The following NOS1 variants were observed in gnomAD, a reference collection of about 807,000 sequenced individuals.
NOS1 encodes the protein NOS type I.
NOS1 carries 51 observed loss-of-function variants against 164.5 expected under a neutral mutation model. That is an observed-to-expected ratio of 0.31 (90% CI 0.25 to 0.39). The LOEUF is 0.39. Among genes scored for constraint, NOS1 ranks in the 10% least tolerant of loss-of-function variants. The pLI, the probability that NOS1 is intolerant of heterozygous loss-of-function variation, is 1.00. For missense variants in NOS1, 1,362 were observed against 1,885.6 expected, an observed-to-expected ratio of 0.72 and a Z score of 5.14; for synonymous variants, 719 against 745.8, an observed-to-expected ratio of 0.96 and a Z score of 0.59.
intron 28 of NOS1, among the ~76,000 whole-genome samples, chr12:117,217,710 A>T (rs1956633546): frequency 6.6e-6 from 1 of 152,086 alleles, no homozygotes; most frequent in Admixed American, 6.6e-5. Context: ...GTCAAAAAAA[A>T]AAAAGCAACT....
rs1956550835 is a variant in NOS1 at position 117,212,939 on chromosome 12, T to G, written c.*2370A>C. 4.1e-6 allele frequency: 4 copies of G among 985,250 alleles called. No individual in the cohort carries two copies. The highest frequency in any genetic ancestry group is 5.2e-4 in the Middle Eastern group (1 of 1,936). The allele number at this position is 985,250 out of a possible 1,614,324, so 61.0% of individuals were successfully genotyped here. A position where few individuals can be genotyped will look rare whatever the true frequency, so the allele number is the denominator to read the frequency against. On this transcript the variant is annotated 3_prime_UTR_variant, in exon 29 of 29. Coordinates refer to ENST00000317775, the MANE Select transcript of NOS1 (RefSeq NM_000620.5). ...TCTAGCCTGGAGTTGTGAAGCAGCT[T>G]GTGTTGGGGATTGAAAGGTGTTTAC...
At chr12:117,286,939 G>A (rs1872745164) in intron 5 of NOS1, among the ~76,000 whole-genome samples, 1 of 152,206 alleles carries the variant, frequency 6.6e-6, no homozygotes, top group Admixed American at 6.5e-5. Flanking sequence ...TACAGGCCGG[G>A]TATGGTGGCT....
intron 2 of NOS1, among the ~76,000 whole-genome samples, chr12:117,314,484 C>G (rs1048766741): frequency 6.6e-6 from 1 of 152,152 alleles, no homozygotes; most frequent in Non-Finnish European, 1.5e-5. Flanking sequence ...ACATTAAAAG[C>G]CCCCATTTTA....
chr12:117,335,523 G>A (rs542982565), intron 1 of NOS1, among the ~76,000 whole-genome samples: 13 of 152,216 alleles, frequency 8.5e-5, no homozygotes, highest in Non-Finnish European at 1.8e-4. Flanking sequence ...CTGCCAATGA[G>A]AGGGAGGAAG....
intron 1 of NOS1, among the ~76,000 whole-genome samples, chr12:117,335,729 T>TGAGACAGAGAGAGAGAGA (rs1875776138): frequency 8.9e-6 from 1 of 112,540 alleles, no homozygotes; most frequent in African/African-American, 3.6e-5. Flanking sequence ...ACAGACTATA[T>TGAGACAGAGAGAGAGAGA]GAGAGAGAGA....
intron 22 of NOS1, among the ~76,000 whole-genome samples, 200 bp downstream of exon 22, chr12:117,231,762 T>A (rs765963582): frequency 4.0e-5 from 6 of 151,882 alleles, no homozygotes; most frequent in Non-Finnish European, 8.8e-5. Context: ...TTCAAGGGAG[T>A]CACTCTTGCT....
chr12:117,214,847 A>T lies in NOS1; in HGVS notation c.*462T>A. 1 of 979,622 alleles carries T rather than the reference A, an allele frequency of 1.0e-6. No homozygotes were observed. 60.7% of individuals were successfully genotyped at this position (979,622 alleles called of 1,614,324 possible). On this transcript the variant is annotated 3_prime_UTR_variant, in exon 29 of 29. Coordinates refer to ENST00000317775, the MANE Select transcript of NOS1 (RefSeq NM_000620.5). ...GACCTGGCCCATCACACACACACAC[A>T]CACACACACACACACACACAGGCAC...
At position 117,359,874 on chromosome 12, in the gene NOS1, TTTTA is replaced by T. The variant is rs1407800102; in HGVS notation, c.-421+1634_-421+1637del. ...CGGTCCCAGAGCATTACAATAATGGTTTTATATATATATATATATATATATATAT... is the reference window on the plus strand; with the variant it reads ...CGGTCCCAGAGCATTACAATAATGGTTATATATATATATATATATATATAT... On this transcript the variant is annotated intron_variant, in intron 1 of 28. Transcript: ENST00000317775. 1.7e-3 allele frequency among the ~76,000 whole-genome samples: 76 copies of T among 44,188 alleles called. 13 individuals carry two copies. The highest frequency in any genetic ancestry group is 5.6e-3 in the South Asian group (6 of 1,064). 29.0% of individuals were successfully genotyped at this position (44,188 alleles called of 152,430 possible). A position where few individuals can be genotyped will look rare whatever the true frequency, so the allele number is the denominator to read the frequency against.
chr12:117,258,055 G>A (rs1264148144), intron 16 of NOS1, among the ~76,000 whole-genome samples: 1 of 151,588 alleles, frequency 6.6e-6, no homozygotes, highest in African/African-American at 2.4e-5. Flanking sequence ...CATCTGCCTC[G>A]GCCTCCCAAA....
intron 1 of NOS1, among the ~76,000 whole-genome samples, chr12:117,333,151 C>T (rs1023789924): frequency 2.6e-5 from 4 of 152,128 alleles, no homozygotes; most frequent in African/African-American, 4.8e-5. Context: ...AGTAGCCGCC[C>T]GTCCCTACTT....
rs1875481484 is a variant in NOS1 at position 117,330,478 on chromosome 12, C to T, written c.592G>A (p.Gly198Ser). The T allele has an allele frequency of 6.2e-7, 1 of 1,614,106 alleles. No homozygotes were observed. The highest frequency in any genetic ancestry group is 8.5e-7 in the Non-Finnish European group (1 of 1,180,054). Residue 198 changes from glycine (G) to serine (S), a missense_variant, in exon 2 of 29, where the codon GGC becomes AGC. Gly to Ser is a moderately conservative substitution (Grantham distance 56). Around this residue, in one of 4 missense-constraint regions of NOS1, gnomAD observed 362 missense variants for 402.0 expected, o/e 0.90. Transcript: ENST00000317775. The surrounding 1 kb of genome is among the most constrained non-coding windows in gnomAD (Gnocchi z 4.6). ...AGCAGTTCATTGTTCTCCCCTCTGCCTTGGAGGCTGACTCTGGTTGCTTTC... is the reference window on the plus strand; with the variant it reads ...AGCAGTTCATTGTTCTCCCCTCTGCTTTGGAGGCTGACTCTGGTTGCTTTC... ...AKKATRVSLQGRGENNELLKE... is the reference protein window; with the variant it reads ...AKKATRVSLQSRGENNELLKE...
Position 117,211,757 on chromosome 12 carries a change from G to A in NOS1, c.*3552C>T, listed in dbSNP as rs535542034. 6.1e-6 allele frequency: 6 copies of A among 985,422 alleles called. No homozygotes were observed. The East Asian group carries it at 5.7e-4, about 93-fold the overall frequency. The allele number at this position is 985,422 out of a possible 1,614,324, so 61.0% of individuals were successfully genotyped here. A position where few individuals can be genotyped will look rare whatever the true frequency, so the allele number is the denominator to read the frequency against. ...AATTTATGTCAGTTCCAAGACGGGTGTCTCTCTCCATCAGATTATAACCTT... is the reference window on the plus strand; with the variant it reads ...AATTTATGTCAGTTCCAAGACGGGTATCTCTCTCCATCAGATTATAACCTT... On this transcript the variant is annotated 3_prime_UTR_variant, in exon 29 of 29. Coordinates refer to ENST00000317775, the MANE Select transcript of NOS1 (RefSeq NM_000620.5).
intron 1 of NOS1, among the ~76,000 whole-genome samples, chr12:117,353,645 C>A (rs369268473): frequency 2.0e-5 from 3 of 152,122 alleles, no homozygotes; most frequent in Non-Finnish European, 2.9e-5. Flanking sequence ...AGGGTTCTTG[C>A]GAAGGAAGGG....
intron 2 of NOS1, among the ~76,000 whole-genome samples, chr12:117,326,802 G>C (rs577498818): frequency 6.6e-6 from 1 of 152,326 alleles, no homozygotes; most frequent in African/African-American, 2.4e-5. Flanking sequence ...CTGAGATGGC[G>C]TTTGGAGAGG....
In NOS1 at chr12:117,356,131, C is replaced by T. The variant is rs758919307; in HGVS notation, c.-421+5381G>A. ...TGTTTCCTTTCCAGAGTTAAACACA[C>T]ACACTATCCCATTAAATCCTCCTAA... On this transcript the variant is annotated intron_variant, in intron 1 of 28. Transcript: ENST00000317775. This position sits in a 1 kb window ranked among gnomAD's most constrained non-coding sequence, Gnocchi z 4.2. Among the ~76,000 whole-genome samples, 10 of 152,220 alleles carry T rather than the reference C, an allele frequency of 6.6e-5. No homozygotes were observed. The highest frequency in any genetic ancestry group is 1.3e-4 in the Non-Finnish European group (9 of 68,042).
chr12:117,230,397 G>T (rs1359120549), intron 22 of NOS1, among the ~76,000 whole-genome samples: 2 of 152,180 alleles, frequency 1.3e-5, no homozygotes, highest in Non-Finnish European at 2.9e-5. Context: ...ATGGTCTCCT[G>T]TTCTACCTCT....
At chr12:117,275,449 A>G (rs773117895) in intron 9 of NOS1, among the ~76,000 whole-genome samples, 1 of 152,184 alleles carries the variant, frequency 6.6e-6, no homozygotes, top group Admixed American at 6.5e-5. Flanking sequence ...CTACAAAAAA[A>G]GTTGATCTCA....
At chr12:117,251,188 C>A (rs191791160) in intron 17 of NOS1, among the ~76,000 whole-genome samples, 2 of 152,272 alleles carry the variant, frequency 1.3e-5, no homozygotes, top group East Asian at 3.9e-4. Context: ...GAGAGAGGGC[C>A]CTCACCAGAC....
intron 2 of NOS1, among the ~76,000 whole-genome samples, chr12:117,313,339 G>C (rs963301358): frequency 1.3e-5 from 2 of 152,258 alleles, no homozygotes; most frequent in African/African-American, 4.8e-5. Context: ...CTGTTACCCA[G>C]GCTGGAGTGC....
Sources: allele counts gnomAD v4.1 joint callset (sites outside exome capture counted in the v4.1 genomes callset), GRCh38; gene constraint gnomAD v4.1.1; regional missense constraint gnomAD v4.1.1; non-coding constraint Gnocchi (gnomAD v3.1); transcripts MANE v1.5; gene names NCBI Gene and HGNC (gene_info 2026-07-23, HGNC 2026-07-21).